NLGN4X: variants seen among roughly 807,000 people sequenced by gnomAD.
The protein encoded by NLGN4X is neuroligin-4, X-linked.
NLGN4X carries 3 observed loss-of-function variants against 40.3 expected under a neutral mutation model. The ratio of observed to expected loss-of-function variants is 0.07; its 90% CI spans 0.03 to 0.19. NLGN4X has a LOEUF of 0.19. Ranked by LOEUF, NLGN4X falls within the 10% of genes least tolerant of loss-of-function variation. The pLI is 1.00. For synonymous variants in NLGN4X, 270 were observed against 306.8 expected (o/e 0.88, Z 1.25); for missense variants, 382 against 708.3 (o/e 0.54, Z 5.23).
At chrX:6,044,754 A>G (rs1602122950) in intron 2 of NLGN4X, among the ~76,000 whole-genome samples, 1 of 111,794 alleles carries the variant, frequency 8.9e-6, no homozygotes, top group African/African-American at 3.2e-5. Flanking sequence ...CCGTCCATGT[A>G]TGGGGGCAGG....
intron 1 of NLGN4X, among the ~76,000 whole-genome samples, 175 bp downstream of exon 1, chrX:6,228,366 C>G (rs1010165775): frequency 9.0e-6 from 1 of 111,504 alleles, no homozygotes; most frequent in African/African-American, 3.3e-5. Context: ...AAAGTCCTGT[C>G]CAAATTTTCC....
intron 2 of NLGN4X, among the ~76,000 whole-genome samples, chrX:6,140,678 A>T (rs1369548576): frequency 1.8e-5 from 2 of 110,476 alleles, no homozygotes; most frequent in Admixed American, 9.7e-5. Flanking sequence ...CCCAAGCACA[A>T]GTGATCCTCC....
In NLGN4X at chrX:6,173,195, G is replaced by A. The variant is rs5916318; in HGVS notation, c.-305-21424C>T. 5.5e-3 allele frequency among the ~76,000 whole-genome samples: 619 copies of A among 112,464 alleles called. 2 individuals are homozygous for A. Among genetic ancestry groups the A allele is most frequent in the Non-Finnish European group, 6.1e-3 (323 of 53,272 alleles). ...AAGGACCGTACTTTAGCCACACAGC[G>A]TAGAAACCTGTATTCTAGGCTCAAC... On this transcript the variant is annotated intron_variant, in intron 1 of 5. Transcript: ENST00000381095.
chrX:6,202,329 T>C (rs1923693012), intron 1 of NLGN4X, among the ~76,000 whole-genome samples: 1 of 106,685 alleles, frequency 9.4e-6, no homozygotes, highest in Non-Finnish European at 1.9e-5. Flanking sequence ...GAAAAGGTCT[T>C]TTCATTTTCT....
rs1413911697 is a variant in NLGN4X, at chrX:5,891,017, G to A, written c.*1800C>T. ...TTCTAGAATAACCCACAATGGAGCCGAGGAACATGATCTTCAAATATCTTT... is the reference window on the plus strand; with the variant it reads ...TTCTAGAATAACCCACAATGGAGCCAAGGAACATGATCTTCAAATATCTTT... On this transcript the variant is annotated 3_prime_UTR_variant, in exon 6 of 6. Transcript: ENST00000381095. 1.3e-5 allele frequency: 4 copies of A among 300,483 alleles called. No individual in the cohort carries two copies. Among genetic ancestry groups the A allele is most frequent in the Admixed American group, 7.6e-5 (2 of 26,466 alleles). The allele number at this position is 300,483 out of a possible 1,213,427, so 24.8% of individuals were successfully genotyped here. A position where few individuals can be genotyped will look rare whatever the true frequency, so the allele number is the denominator to read the frequency against.
chrX:6,001,352 G>C (rs1192821336), intron 3 of NLGN4X, among the ~76,000 whole-genome samples: 1 of 112,095 alleles, frequency 8.9e-6, no homozygotes, highest in Non-Finnish European at 1.9e-5. Flanking sequence ...AAGAGAGTCT[G>C]TGTTTAGTGT....
At chrX:6,071,716 G>A in intron 2 of NLGN4X, among the ~76,000 whole-genome samples, 1 of 112,034 alleles carries the variant, frequency 8.9e-6, no homozygotes, top group Non-Finnish European at 1.9e-5. Context: ...CCCTCACTTT[G>A]TATGAGCAAG....
chrX:5,941,962 A>G (rs1015657723), intron 3 of NLGN4X, among the ~76,000 whole-genome samples: 25 of 112,106 alleles, frequency 2.2e-4, no homozygotes, highest in Admixed American at 3.8e-4. Context: ...TTAAATTAAA[A>G]AGGACAAATA....
At chrX:5,905,429 A>G (rs2032122148) in intron 4 of NLGN4X, among the ~76,000 whole-genome samples, 2 of 112,004 alleles carry the variant, frequency 1.8e-5, no homozygotes, top group Non-Finnish European at 3.8e-5. Flanking sequence ...TGAGCCCAAT[A>G]TTTATATAGC....
At chrX:5,933,696 T>A (rs371111366) in intron 3 of NLGN4X, among the ~76,000 whole-genome samples, 11 of 111,635 alleles carry the variant, frequency 9.9e-5, no homozygotes, top group African/African-American at 3.2e-4. Context: ...AATGTACAGT[T>A]ACGCTTATCC....
chrX:5,918,075 T>C (rs984137525), intron 3 of NLGN4X, among the ~76,000 whole-genome samples: 2 of 111,756 alleles, frequency 1.8e-5, no homozygotes, highest in African/African-American at 6.5e-5. Flanking sequence ...GTAGCCATGA[T>C]GACCCAAGCA....
At chrX:6,016,091 T>C (rs1265397543) in intron 3 of NLGN4X, among the ~76,000 whole-genome samples, 2 of 111,868 alleles carry the variant, frequency 1.8e-5, no homozygotes, top group Non-Finnish European at 3.8e-5. Flanking sequence ...AGGATCTGAA[T>C]AGATATTTTT....
chrX:6,156,370 G>A (rs752532829), intron 1 of NLGN4X, among the ~76,000 whole-genome samples: 20 of 111,024 alleles, frequency 1.8e-4, no homozygotes, highest in South Asian at 3.8e-4. Flanking sequence ...TTAGCTGGGC[G>A]TGGTGGCGGG....
At chrX:6,157,292 GC>G (rs1251095354) in intron 1 of NLGN4X, among the ~76,000 whole-genome samples, 1 of 111,446 alleles carries the variant, frequency 9.0e-6, no homozygotes, top group Non-Finnish European at 1.9e-5. Flanking sequence ...TTCAGCAGGG[GC>G]CTCAGCAGAA....
intron 1 of NLGN4X, among the ~76,000 whole-genome samples, chrX:6,202,881 G>A (rs184141909): frequency 4.5e-5 from 5 of 111,607 alleles, no homozygotes; most frequent in African/African-American, 1.3e-4. Context: ...ACCCATAACT[G>A]CAACCTTGGA....
chrX:5,952,959 G>C (rs764925477), intron 3 of NLGN4X, among the ~76,000 whole-genome samples: 59 of 111,990 alleles, frequency 5.3e-4, no homozygotes, highest in Non-Finnish European at 9.8e-4. Context: ...AGCAACCTCA[G>C]TGTATTCATA....
At chrX:6,121,266 ATC>A (rs1179755252) in intron 2 of NLGN4X, among the ~76,000 whole-genome samples, 1 of 111,046 alleles carries the variant, frequency 9.0e-6, no homozygotes, top group Non-Finnish European at 1.9e-5. Context: ...ATACAAAATT[ATC>A]TCTGTTTGAA....
At chrX:6,120,300 A>G (rs2039395199) in intron 2 of NLGN4X, among the ~76,000 whole-genome samples, 1 of 112,091 alleles carries the variant, frequency 8.9e-6, no homozygotes, top group Admixed American at 9.4e-5. Flanking sequence ...TGTTTTGATC[A>G]TCATCATACA....
chrX:6,218,478 A>C (rs1217506752), intron 1 of NLGN4X, among the ~76,000 whole-genome samples: 1 of 106,969 alleles, frequency 9.3e-6, no homozygotes, highest in Non-Finnish European at 1.9e-5. Context: ...TTAAACCCAC[A>C]CACACACACA....
Sources: gnomAD v4.1 joint callset for allele counts (sites outside exome capture counted in the v4.1 genomes callset) on GRCh38, gnomAD v4.1.1 for gene constraint, MANE v1.5 for transcripts, NCBI Gene and HGNC (gene_info 2026-07-23, HGNC 2026-07-21) for gene names.